The following UMOD variants were observed in gnomAD, a reference collection of about 807,000 sequenced individuals.
UMOD encodes Tamm-Horsfall urinary glycoprotein.
UMOD carries 64 observed loss-of-function variants against 66.0 expected under a neutral mutation model. The observed-to-expected ratio is 0.97, with a 90% confidence interval of 0.79 to 1.19. The LOEUF (loss-of-function observed/expected upper bound fraction) is 1.19, where lower values mean the gene tolerates loss of function less well. Ranked by LOEUF, UMOD falls within the 50% of genes most tolerant of loss-of-function variation. The pLI is 0.00. For synonymous variants in UMOD, 398 were observed against 352.7 expected (o/e 1.13, Z -1.44); for missense variants, 764 against 850.9 (o/e 0.90, Z 1.27).
chr16:20,335,368 G>T, intron 10 of UMOD, 114 bp downstream of exon 10: 2 of 1,075,952 alleles, frequency 1.9e-6, no homozygotes, highest in East Asian at 2.5e-5. Flanking sequence ...TTTAGAAAAC[G>T]GAACTAGTAA....
chr16:20,336,901 G>A (rs1011071230), intron 8 of UMOD, among the ~76,000 whole-genome samples, 174 bp from the exon 9 acceptor site: 2 of 152,196 alleles, frequency 1.3e-5, no homozygotes, highest in African/African-American at 4.8e-5. Flanking sequence ...TTGTTAGATA[G>A]ATGCATGATC....
At chr16:20,354,438 T>C (rs1176364584), upstream of UMOD, among the ~76,000 whole-genome samples, 1 of 152,220 alleles carries the variant, frequency 6.6e-6, no homozygotes, top group Non-Finnish European at 1.5e-5. Flanking sequence ...CTTGCTTTCA[T>C]CTTTGCCAAA....
At position 20,348,670 on chromosome 16, in the gene UMOD, C is replaced by T. The variant is rs910018433; in HGVS notation, c.631G>A (p.Ala211Thr). The part of the protein sequence containing the change: ...GWYRFVGQGG[A>T]RMAETCVPVL... ...GGCACGCAGGTCTCGGCCATGCGCG[C>T]ACCGCCCTGGCCCACGAAGCGGTAC... The change falls in exon 3 of 11, where the codon GCG becomes ACG. Residue 211 changes from alanine to threonine, a missense_variant. Transcript: ENST00000396138. 1 of 1,555,840 alleles carries T rather than the reference C, an allele frequency of 6.4e-7. No individual in the cohort carries two copies. The highest frequency in any genetic ancestry group is 8.7e-7 in the Non-Finnish European group (1 of 1,153,358).
intron 5 of UMOD, among the ~76,000 whole-genome samples, chr16:20,345,400 T>TTTCTTTC (rs1555486827): frequency 1.1e-3 from 85 of 78,038 alleles, no homozygotes; most frequent in African/African-American, 2.6e-3. Flanking sequence ...TTTTCTTTTT[T>TTTCTTTC]TTTCTTTCTT....
At chr16:20,351,060 A>T in intron 1 of UMOD, 1 of 397,758 alleles carries the variant, frequency 2.5e-6, no homozygotes. Context: ...TTCTCAGCAC[A>T]TTGCACATTT....
intron 1 of UMOD, 82 bp downstream of exon 1, chr16:20,352,607 A>G: frequency 9.1e-7 from 1 of 1,099,264 alleles, no homozygotes; most frequent in Non-Finnish European, 1.2e-6. Context: ...CCAGTGTCCA[A>G]GGTCTTAATT....
rs368490043 is a variant in UMOD, at chr16:20,349,586, G to T, written c.89-374C>A. ...CTGCCTCAGCTTCCCAAAAAGTTGG[G>T]ACCACAGGCACGTGCAATCGCGCCC... On this transcript the variant is annotated intron_variant, in intron 2 of 10. Coordinates refer to ENST00000396138, the MANE Select transcript of UMOD (RefSeq NM_003361.4). 3.7e-4 allele frequency: 480 copies of T among 1,311,430 alleles called. 7 individuals are homozygous for T. The South Asian group carries it at 6.9e-3, about 19-fold the overall frequency. 81.2% of individuals were successfully genotyped at this position (1,311,430 alleles called of 1,614,324 possible). A position where few individuals can be genotyped will look rare whatever the true frequency, so the allele number is the denominator to read the frequency against.
intron 10 of UMOD, 65 bp from the exon 11 acceptor site, chr16:20,333,440 G>T (rs538113103): frequency 5.9e-5 from 87 of 1,484,720 alleles, no homozygotes; most frequent in Non-Finnish European, 7.9e-5. Context: ...ATTAACATAA[G>T]CTGCCTCGTC....
At chr16:20,340,188 T>G (rs1314785763) in intron 7 of UMOD, among the ~76,000 whole-genome samples, 1 of 152,146 alleles carries the variant, frequency 6.6e-6, no homozygotes, top group Non-Finnish European at 1.5e-5. Context: ...ATCAATTAAA[T>G]TGAAGCACCA....
intron 7 of UMOD, among the ~76,000 whole-genome samples, chr16:20,338,445 T>C (rs1034627500): frequency 2.6e-5 from 4 of 152,218 alleles, no homozygotes; most frequent in Non-Finnish European, 5.9e-5. Context: ...CATTTTTTCC[T>C]GCTTCTTTTT....
At chr16:20,337,102 G>T (rs976039370) in intron 8 of UMOD, among the ~76,000 whole-genome samples, 189 bp downstream of exon 8, 2 of 152,140 alleles carry the variant, frequency 1.3e-5, no homozygotes, top group Non-Finnish European at 2.9e-5. Context: ...CCAGCCTGCC[G>T]CACTTTACTG....
intron 8 of UMOD, among the ~76,000 whole-genome samples, 189 bp downstream of exon 8, chr16:20,337,102 G>A (rs976039370): frequency 3.3e-5 from 5 of 152,140 alleles, no homozygotes; most frequent in Admixed American, 1.3e-4. Context: ...CCAGCCTGCC[G>A]CACTTTACTG....
In UMOD at chr16:20,341,314, C is replaced by A; in HGVS notation, c.1354G>T (p.Gly452Trp). The A allele has an allele frequency of 6.2e-7, 1 of 1,613,832 alleles. No homozygotes were observed. Among genetic ancestry groups the A allele is most frequent in the Non-Finnish European group, 8.5e-7 (1 of 1,179,998 alleles). The change falls in exon 7 of 11, where the codon GGG becomes TGG. Residue 452 changes from glycine (G) to tryptophan (W), a missense_variant. Physicochemically the swap from Gly to Trp is radical, Grantham distance 184 (BLOSUM62 -2). Transcript: ENST00000396138. Reference sequence around the variant, plus strand: ...ATCCGCACGGTGAACATGCCGGTCCCGCCCACTCTGATGTTTAGAGCACTG... The same window carrying A: ...ATCCGCACGGTGAACATGCCGGTCCAGCCCACTCTGATGTTTAGAGCACTG... ...MVSALNIRVG[G>W]TGMFTVRMAL...
intron 6 of UMOD, among the ~76,000 whole-genome samples, chr16:20,342,033 G>C (rs1413429717): frequency 6.6e-6 from 1 of 152,222 alleles, no homozygotes; most frequent in Non-Finnish European, 1.5e-5. Flanking sequence ...GAAGACTGGG[G>C]TGAGATGTCT....
intron 7 of UMOD, among the ~76,000 whole-genome samples, chr16:20,340,398 CA>C (rs920278094): frequency 2.1e-5 from 3 of 139,598 alleles, no homozygotes; most frequent in Admixed American, 1.4e-4. Context: ...ATCAAACGAC[CA>C]AAAAAAAAGA....
rs1303000238 is a variant in UMOD, at chr16:20,348,452, G to A, written c.849C>T (p.His283=). 1 of 1,613,678 alleles carries A rather than the reference G, an allele frequency of 6.2e-7. No individual in the cohort carries two copies. Among genetic ancestry groups the A allele is most frequent in the Non-Finnish European group, 8.5e-7 (1 of 1,179,960 alleles). The change falls in exon 3 of 11, where the codon CAC becomes CAT. Residue 283 remains histidine, a synonymous_variant. Coordinates refer to ENST00000396138, the MANE Select transcript of UMOD (RefSeq NM_003361.4). The part of the protein sequence containing the change: ...VYNLTAPPEC[H]LAYCTDPSSV... ...CCGGCTGACCTGTGCAGTACGCCAGGTGACACTCGGGGGGCGCTGTCAGGT... is the reference window on the plus strand; with the variant it reads ...CCGGCTGACCTGTGCAGTACGCCAGATGACACTCGGGGGGCGCTGTCAGGT...
Position 20,350,862 on chromosome 16 carries a change from C to A in UMOD, c.-102-23G>T, listed in dbSNP as rs779967170. 3.9e-6 allele frequency: 6 copies of A among 1,543,220 alleles called. No individual in the cohort carries two copies. The Admixed American group carries it at 1.2e-4, about 30-fold the overall frequency. ...GTCCTGTGAACAGAGATGGATGGGA[C>A]AAATGCATGATCTAACTCTCCTCCC... On this transcript the variant is annotated intron_variant, in intron 1 of 10. Coordinates refer to ENST00000396138, the MANE Select transcript of UMOD (RefSeq NM_003361.4).
intron 4 of UMOD, among the ~76,000 whole-genome samples, chr16:20,346,548 T>TATA (rs1315730848): frequency 1.3e-5 from 2 of 152,224 alleles, no homozygotes; most frequent in Non-Finnish European, 2.9e-5. Context: ...CAGTCTTGGG[T>TATA]TCCCCTAAAT....
chr16:20,341,040 A>AC (rs1365856645), intron 7 of UMOD, 51 bp downstream of exon 7: 3 of 1,572,742 alleles, frequency 1.9e-6, no homozygotes, highest in Admixed American at 3.5e-5. Context: ...AAGTCCAAAG[A>AC]CCCCCTCTGA....
Sources: gnomAD v4.1 joint callset for allele counts (sites outside exome capture counted in the v4.1 genomes callset) on GRCh38, gnomAD v4.1.1 for gene constraint, MANE v1.5 for transcripts, NCBI Gene and HGNC (gene_info 2026-07-23, HGNC 2026-07-21) for gene names.